The following FUT8 variants were observed in gnomAD, a reference collection of about 807,000 sequenced individuals.
FUT8 encodes fucosyltransferase 8, also known as alpha-(1,6)-fucosyltransferase.
Under a neutral mutation model 71.3 loss-of-function variants are expected in FUT8, and 29 were observed. That is an observed-to-expected ratio of 0.41 (90% confidence interval 0.30 to 0.55). The LOEUF (loss-of-function observed/expected upper bound fraction) is 0.55, where lower values mean the gene tolerates loss of function less well. Ranked by LOEUF, FUT8 falls within the 20% of genes least tolerant of loss-of-function variation. The probability of loss-of-function intolerance (pLI) is 0.34; values close to 1 mark genes in which losing one functional copy is unlikely to be tolerated. For synonymous variants in FUT8, 254 were observed against 239.3 expected (o/e 1.06, Z -0.57); for missense variants, 544 against 702.1 (o/e 0.77, Z 2.55).
chr14:65,644,551 C>T (rs1566871679), intron 6 of FUT8, among the ~76,000 whole-genome samples: 2 of 151,690 alleles, frequency 1.3e-5, no homozygotes, highest in African/African-American at 2.4e-5. Context: ...TTAGTAGAGA[C>T]GGGGTTTCAC....
the FUT8 span, among the ~76,000 whole-genome samples, chr14:65,403,570 T>C: frequency 6.6e-6 from 1 of 152,256 alleles, no homozygotes; most frequent in African/African-American, 2.4e-5. Flanking sequence ...TTCAGACTTT[T>C]GTCAGTTTGG....
the FUT8 span, among the ~76,000 whole-genome samples, chr14:65,379,375 GA>G: frequency 2.0e-4 from 31 of 151,810 alleles, no homozygotes; most frequent in African/African-American, 5.8e-4. Context: ...ACTAAAAATA[GA>G]AAAAACTAGC....
intron 2 of FUT8, among the ~76,000 whole-genome samples, chr14:65,534,286 C>CT (rs1246841315): frequency 6.6e-6 from 1 of 151,668 alleles, no homozygotes; most frequent in African/African-American, 2.4e-5. Flanking sequence ...CCATGCCTGG[C>CT]TAATTTTTAT....
At chr14:65,440,766 T>C (rs2065642748) in intron 1 of FUT8, among the ~76,000 whole-genome samples, 1 of 152,160 alleles carries the variant, frequency 6.6e-6, no homozygotes, top group Non-Finnish European at 1.5e-5. Flanking sequence ...GTATAATTGG[T>C]AAGTCACAAG....
chr14:65,661,108 G>A (rs1005702011), intron 6 of FUT8, among the ~76,000 whole-genome samples: 1 of 152,118 alleles, frequency 6.6e-6, no homozygotes, highest in Non-Finnish European at 1.5e-5. Flanking sequence ...ACTGGAAATA[G>A]GAGCTATCTT....
chr14:65,371,807 C>T, the FUT8 span, among the ~76,000 whole-genome samples: 1 of 152,124 alleles, frequency 6.6e-6, no homozygotes, highest in African/African-American at 2.4e-5. Flanking sequence ...CCCTAGTGAA[C>T]AATTAAGTTT....
chr14:65,416,525 G>A (rs966703223), intron 1 of FUT8, among the ~76,000 whole-genome samples: 66 of 152,034 alleles, frequency 4.3e-4, no homozygotes, highest in African/African-American at 1.5e-3. Context: ...ATCAACTTCT[G>A]GTCTTCAACA....
chr14:65,632,132 C>T (rs1020926012), intron 6 of FUT8, among the ~76,000 whole-genome samples: 12 of 152,158 alleles, frequency 7.9e-5, no homozygotes, highest in African/African-American at 2.4e-4. Context: ...CGTTGATTGA[C>T]GGGCATTTGG....
chr14:65,471,098 G>A (rs144894763), intron 2 of FUT8: 101 of 466,332 alleles, frequency 2.2e-4, no homozygotes, highest in African/African-American at 1.8e-3. Flanking sequence ...CTGATGTGGT[G>A]GTAAGGGTAG....
rs1242905835 is a variant in FUT8, at chr14:65,742,701, A to G, written c.*291A>G. 3 of 302,288 alleles carry G rather than the reference A, an allele frequency of 9.9e-6. No homozygotes were observed. Among genetic ancestry groups the G allele is most frequent in the African/African-American group, 6.3e-5 (3 of 47,656 alleles). The allele number at this position is 302,288 out of a possible 1,614,324, so 18.7% of individuals were successfully genotyped here. On this transcript the variant is annotated 3_prime_UTR_variant, in exon 11 of 11. Transcript: ENST00000673929. Reference sequence around the variant, plus strand: ...GCCCCTTTCAGTATGTCCCCATAAGACAAACACTGCCATATTGTGTAATTT... The same window carrying G: ...GCCCCTTTCAGTATGTCCCCATAAGGCAAACACTGCCATATTGTGTAATTT...
At chr14:65,714,670 G>A (rs8004564) in intron 7 of FUT8, among the ~76,000 whole-genome samples, 15,364 of 151,958 alleles carry the variant, frequency 0.1, 988 homozygotes, top group African/African-American at 0.18. Context: ...GATTGCTTTG[G>A]ATAGTATGGG....
chr14:65,638,903 G>C lies in FUT8; in HGVS notation c.597+9297G>C, dbSNP rs1890697416. Among the ~76,000 whole-genome samples, 1 of 152,118 alleles carries C rather than the reference G, an allele frequency of 6.6e-6. No homozygotes were observed. Among genetic ancestry groups the C allele is most frequent in the South Asian group, 2.1e-4 (1 of 4,834 alleles). ...AAGTGGTAATATCTGTAACTCATTA[G>C]AAAAAGTTGTCAGCCTAACTACATT... On this transcript the variant is annotated intron_variant, in intron 6 of 10. Transcript: ENST00000673929. This position sits in a 1 kb window ranked among gnomAD's most constrained non-coding sequence, Gnocchi z 4.5.
chr14:65,532,686 T>G (rs977824871), intron 2 of FUT8, among the ~76,000 whole-genome samples: 1 of 152,218 alleles, frequency 6.6e-6, no homozygotes, highest in East Asian at 1.9e-4. Flanking sequence ...GCAGTTGCTT[T>G]TTGTGTCTTT....
intron 7 of FUT8, among the ~76,000 whole-genome samples, chr14:65,676,711 C>T (rs1413114778): frequency 6.6e-6 from 1 of 151,538 alleles, no homozygotes; most frequent in Non-Finnish European, 1.5e-5. Flanking sequence ...GTCTCAGTCA[C>T]AGTTGACCTT....
At chr14:65,494,512 G>A (rs961644808) in intron 2 of FUT8, among the ~76,000 whole-genome samples, 1 of 152,184 alleles carries the variant, frequency 6.6e-6, no homozygotes, top group Non-Finnish European at 1.5e-5. Context: ...AACAAGGAGT[G>A]AAGAGGAATC....
At chr14:65,605,583 A>G (rs1055183757) in intron 3 of FUT8, among the ~76,000 whole-genome samples, 8 of 152,006 alleles carry the variant, frequency 5.3e-5, no homozygotes, top group South Asian at 2.1e-4. Context: ...CTGCAACCCA[A>G]TGAGTGAGTC....
chr14:65,398,181 G>C, the FUT8 span, among the ~76,000 whole-genome samples: 1 of 152,074 alleles, frequency 6.6e-6, no homozygotes, highest in African/African-American at 2.4e-5. Flanking sequence ...TTTATTTTGA[G>C]ACAGGGTCTC....
rs150087173 is a variant in FUT8, at chr14:65,513,362, G to GAGCT, written c.-227-47973_-227-47970dup. Among the ~76,000 whole-genome samples the GAGCT allele has an allele frequency of 9.9e-3, 1,500 of 152,270 alleles. 24 individuals carry two copies. The highest frequency in any genetic ancestry group is 0.035 in the African/African-American group (1,440 of 41,546). Reference sequence around the variant, plus strand: ...GCTCTAGAGAAAATATCCTAAAAGGGAGCTAATTGTGGGAAATAGAGCCTT... The same window carrying GAGCT: ...GCTCTAGAGAAAATATCCTAAAAGGGAGCTAGCTAATTGTGGGAAATAGAGCCTT... On this transcript the variant is annotated intron_variant, in intron 2 of 10. Transcript: ENST00000673929.
intron 1 of FUT8, among the ~76,000 whole-genome samples, chr14:65,425,858 T>A (rs2065377294): frequency 6.6e-6 from 1 of 151,752 alleles, no homozygotes; most frequent in African/African-American, 2.4e-5. Flanking sequence ...GCCCCTGTAA[T>A]CCTAGGTATT....
Sources: gnomAD v4.1 joint callset for allele counts (sites outside exome capture counted in the v4.1 genomes callset) on GRCh38, gnomAD v4.1.1 for gene constraint, Gnocchi (gnomAD v3.1) non-coding constraint, MANE v1.5 for transcripts, NCBI Gene and HGNC (gene_info 2026-07-23, HGNC 2026-07-21) for gene names.